CPED1: variants seen among roughly 807,000 people sequenced by gnomAD.
The protein encoded by CPED1 is cadherin like and PC-esterase domain containing 1.
Under a neutral mutation model 128.2 loss-of-function variants are expected in CPED1, and 114 were observed. The ratio of observed to expected loss-of-function variants is 0.89; its 90% CI spans 0.76 to 1.04. The LOEUF (loss-of-function observed/expected upper bound fraction) is 1.04. Among genes scored for constraint, CPED1 ranks in the 50% least tolerant of loss-of-function variants. The probability of loss-of-function intolerance (pLI) is 0.00; values close to 1 mark genes in which losing one functional copy is unlikely to be tolerated. For missense variants in CPED1, 1,211 were observed against 1,207.1 expected (o/e 1.00, Z -0.05); for synonymous variants, 462 against 426.7 (o/e 1.08, Z -1.02).
At chr7:121,250,062 T>G (rs1294697719) in intron 18 of CPED1, among the ~76,000 whole-genome samples, 1 of 152,140 alleles carries the variant, frequency 6.6e-6, no homozygotes, top group Non-Finnish European at 1.5e-5. Context: ...ATTGACCACA[T>G]AGTTGGAAGT....
intron 4 of CPED1, among the ~76,000 whole-genome samples, chr7:121,060,240 C>A (rs1406482758): frequency 6.6e-6 from 1 of 152,232 alleles, no homozygotes; most frequent in African/African-American, 2.4e-5. Flanking sequence ...GGCTCCTGTG[C>A]GGCCGGAGCC....
intron 22 of CPED1, among the ~76,000 whole-genome samples, chr7:121,291,942 A>G (rs1265527745): frequency 6.6e-6 from 1 of 152,118 alleles, no homozygotes; most frequent in African/African-American, 2.4e-5. Context: ...TGGGTTTGTC[A>G]TAAATAGCTC....
chr7:121,003,325 T>C (rs1458239189), intron 2 of CPED1, among the ~76,000 whole-genome samples: 1 of 152,096 alleles, frequency 6.6e-6, no homozygotes, highest in Non-Finnish European at 1.5e-5. Flanking sequence ...AAGAATAAAC[T>C]AGAACTCTAG....
chr7:121,141,047 C>G (rs1441848084), intron 15 of CPED1, 34 bp downstream of exon 15: 3 of 1,552,232 alleles, frequency 1.9e-6, no homozygotes, highest in Non-Finnish European at 2.6e-6. Context: ...TGTTGAGACA[C>G]TATACTGGGA....
At chr7:121,251,532 G>T (rs1211396270) in intron 18 of CPED1, among the ~76,000 whole-genome samples, 2 of 152,188 alleles carry the variant, frequency 1.3e-5, no homozygotes, top group Non-Finnish European at 2.9e-5. Context: ...AATTGTCCCT[G>T]TTTGCAGGTG....
rs538547903 is a variant in CPED1 at position 121,189,281 on chromosome 7, TC to T, written c.2055+47141del. ...TAAAGAACTACCTGAAACTGGGTAA[TC>T]TATGAAAAAAAGAGGTTTAATTGAC... On this transcript the variant is annotated intron_variant, in intron 16 of 22. Coordinates refer to ENST00000310396, the MANE Select transcript of CPED1 (RefSeq NM_024913.5). Among the ~76,000 whole-genome samples the T allele has an allele frequency of 1.1e-4, 16 of 152,186 alleles. No homozygotes were observed. In the South Asian group the frequency reaches 3.3e-3, roughly 32 times the overall value.
intron 16 of CPED1, among the ~76,000 whole-genome samples, chr7:121,206,742 G>A (rs147574157): frequency 0.023 from 3,519 of 150,670 alleles, 61 homozygotes; most frequent in Non-Finnish European, 0.036. Context: ...GTTTTTTAAC[G>A]GCTGAAAAAA....
chr7:121,110,308 G>T (rs915147674), intron 7 of CPED1, among the ~76,000 whole-genome samples: 12 of 152,126 alleles, frequency 7.9e-5, no homozygotes, highest in African/African-American at 2.9e-4. Flanking sequence ...GTTTATTCTT[G>T]TATGGAATGA....
chr7:121,225,273 C>A (rs1375645484), intron 16 of CPED1, among the ~76,000 whole-genome samples: 1 of 152,248 alleles, frequency 6.6e-6, no homozygotes. Context: ...GTTGCAAATT[C>A]TTTTCTTTAA....
At chr7:121,022,104 G>T (rs1792454892) in intron 3 of CPED1, among the ~76,000 whole-genome samples, 1 of 151,670 alleles carries the variant, frequency 6.6e-6, no homozygotes, top group Middle Eastern at 3.4e-3. Context: ...TGTCTTTTAT[G>T]CTTATCATTT....
chr7:120,988,821 G>A lies in CPED1; in HGVS notation c.-323G>A, dbSNP rs1412783620. ...TGTGTGAGATGAATTGGAGTCATAC[G>A]ACTGGGTGTTTCCTTCCGAGTGGTT... is the stretch of plus-strand genomic sequence containing the variant. On this transcript the variant is annotated 5_prime_UTR_variant, in exon 1 of 23. Transcript: ENST00000310396. 3 of 152,220 alleles carry A rather than the reference G, an allele frequency of 2.0e-5. No individual in the cohort carries two copies. The highest frequency in any genetic ancestry group is 4.8e-5 in the African/African-American group (2 of 41,434). The allele number at this position is 152,220 out of a possible 1,614,324, so 9.4% of individuals were successfully genotyped here.
Position 121,070,854 on chromosome 7 carries a change from G to A in CPED1, c.616+6541G>A, listed in dbSNP as rs146675590. Among the ~76,000 whole-genome samples, 82 of 152,074 alleles carry A rather than the reference G, an allele frequency of 5.4e-4. No individual in the cohort carries two copies. In the East Asian group the frequency reaches 0.014, roughly 26 times the overall value. ...AGATTGATCTTCCTCCCACCAGTTC[G>A]TAAATAACTGAAGCAAGTTTATTAG... On this transcript the variant is annotated intron_variant, in intron 5 of 22. Coordinates refer to ENST00000310396, the MANE Select transcript of CPED1 (RefSeq NM_024913.5).
intron 3 of CPED1, among the ~76,000 whole-genome samples, chr7:121,042,129 T>TA (rs10615785): frequency 1.3e-5 from 2 of 150,140 alleles, no homozygotes; most frequent in South Asian, 4.2e-4. Context: ...TTTTAATTGT[T>TA]AAAAAAAAAA....
rs547310748 is a variant in CPED1 at position 121,251,483 on chromosome 7, A to G, written c.2310+7145A>G. ...CTGGCCAGGGCAATCAGGCAGGAGA[A>G]GGAAATAAAGGGCATTCAATTAGGA... On this transcript the variant is annotated intron_variant, in intron 18 of 22. Coordinates refer to ENST00000310396, the MANE Select transcript of CPED1 (RefSeq NM_024913.5). Among the ~76,000 whole-genome samples the G allele has an allele frequency of 1.8e-4, 28 of 152,270 alleles. 1 individual carries two copies. The South Asian group carries it at 5.6e-3, about 30-fold the overall frequency.
intron 4 of CPED1, among the ~76,000 whole-genome samples, chr7:121,048,914 C>T (rs1793280994): frequency 6.6e-6 from 1 of 152,208 alleles, no homozygotes; most frequent in African/African-American, 2.4e-5. Flanking sequence ...TAATCATCAT[C>T]TCTTACCTGG....
chr7:121,109,301 A>G (rs1303947049), intron 7 of CPED1, among the ~76,000 whole-genome samples: 1 of 152,152 alleles, frequency 6.6e-6, no homozygotes, highest in Admixed American at 6.6e-5. Flanking sequence ...TAGGGCGGTC[A>G]TTCTCTCATT....
intron 14 of CPED1, among the ~76,000 whole-genome samples, chr7:121,137,987 G>A (rs1410163822): frequency 1.3e-5 from 2 of 152,062 alleles, no homozygotes; most frequent in Non-Finnish European, 2.9e-5. Context: ...ATGTAATATG[G>A]TGTAGATGAT....
At chr7:121,101,163 G>A (rs1180645195) in intron 7 of CPED1, among the ~76,000 whole-genome samples, 1 of 151,674 alleles carries the variant, frequency 6.6e-6, no homozygotes, top group Admixed American at 6.6e-5. Context: ...TTTGGTCTCT[G>A]TACCATGTCC....
At chr7:121,079,227 G>A (rs371695849) in intron 5 of CPED1, among the ~76,000 whole-genome samples, 14 of 152,132 alleles carry the variant, frequency 9.2e-5, no homozygotes, top group African/African-American at 2.2e-4. Context: ...AAGACAGAAG[G>A]CTGCGAGTAG....
Sources: gnomAD v4.1 joint callset for allele counts (sites outside exome capture counted in the v4.1 genomes callset) on GRCh38, gnomAD v4.1.1 for gene constraint, MANE v1.5 for transcripts, NCBI Gene and HGNC (gene_info 2026-07-23, HGNC 2026-07-21) for gene names.